MYCBP2: variants seen among roughly 807,000 people sequenced by gnomAD.
The protein encoded by MYCBP2 is E3 ubiquitin-protein ligase MYCBP2.
A neutral mutation model predicts 525.3 loss-of-function variants in MYCBP2; 120 were observed. The observed-to-expected ratio is 0.23, with a 90% CI of 0.20 to 0.27. The LOEUF is 0.27. Ranked by LOEUF, MYCBP2 falls within the 10% of genes least tolerant of loss-of-function variation. The pLI, the probability that MYCBP2 is intolerant of heterozygous loss-of-function variation, is 1.00. For missense variants in MYCBP2, 4,149 were observed against 5,657.1 expected, an observed-to-expected ratio of 0.73 and a Z score of 8.55; for synonymous variants, 1,894 against 1,955.8, an observed-to-expected ratio of 0.97 and a Z score of 0.83.
chr13:77,184,919 C>T (rs2060583917), intron 32 of MYCBP2, among the ~76,000 whole-genome samples, 184 bp downstream of exon 32: 1 of 152,158 alleles, frequency 6.6e-6, no homozygotes, highest in African/African-American at 2.4e-5. Flanking sequence ...AATTTTGTAA[C>T]TAAAAGATGA....
At chr13:77,316,683 T>C (rs2080979464) in intron 1 of MYCBP2, among the ~76,000 whole-genome samples, 1 of 152,132 alleles carries the variant, frequency 6.6e-6, no homozygotes, top group Non-Finnish European at 1.5e-5. Context: ...ACGGTAAAAT[T>C]GATATCAACA....
rs750702292 is a variant in MYCBP2 at position 77,180,262 on chromosome 13, C to A, written c.4998G>T (p.Leu1666=). 8 of 1,614,128 alleles carry A rather than the reference C, an allele frequency of 5.0e-6. No individual in the cohort carries two copies. Among genetic ancestry groups the A allele is most frequent in the Non-Finnish European group, 5.1e-6 (6 of 1,180,014 alleles). Residue 1666 remains leucine, a synonymous_variant, in exon 34 of 83, where the codon CTG becomes CTT. Coordinates refer to ENST00000544440, the MANE Select transcript of MYCBP2 (RefSeq NM_015057.5). The part of the protein sequence containing the change: ...TSFREVLEKM[L]VIVVLPVRNS... Reference sequence around the variant, plus strand: ...TCCTGACTGGTAGCACAACAATGACCAGCATTTTCTCCAGAACTTCACGGA... The same window carrying A: ...TCCTGACTGGTAGCACAACAATGACAAGCATTTTCTCCAGAACTTCACGGA...
intron 71 of MYCBP2, among the ~76,000 whole-genome samples, chr13:77,067,117 TG>T (rs1004004576): frequency 2.0e-5 from 3 of 152,186 alleles, no homozygotes; most frequent in African/African-American, 4.8e-5. Context: ...TATATGATTT[TG>T]GGTTCTGTGT....
At chr13:77,082,994 T>C (rs888095861) in intron 63 of MYCBP2, 38 bp downstream of exon 63, 1 of 1,568,376 alleles carries the variant, frequency 6.4e-7, no homozygotes, top group South Asian at 1.2e-5. Flanking sequence ...TAAACTCTCT[T>C]GTCCAATGTA....
At chr13:77,217,226 T>A (rs1044264357) in intron 21 of MYCBP2, among the ~76,000 whole-genome samples, 1 of 152,228 alleles carries the variant, frequency 6.6e-6, no homozygotes, top group African/African-American at 2.4e-5. Flanking sequence ...TTAGTAATTA[T>A]CCACATCTGA....
intron 28 of MYCBP2, among the ~76,000 whole-genome samples, chr13:77,190,980 C>CA (rs1343051979): frequency 6.6e-6 from 1 of 152,120 alleles, no homozygotes; most frequent in Non-Finnish European, 1.5e-5. Flanking sequence ...ATTTATCTTA[C>CA]AAATGATAGT....
chr13:77,092,745 C>T (rs1594457736), intron 59 of MYCBP2, among the ~76,000 whole-genome samples: 1 of 152,128 alleles, frequency 6.6e-6, no homozygotes, highest in Admixed American at 6.6e-5. Flanking sequence ...TTGTGTATTA[C>T]ATTATTGTAA....
intron 7 of MYCBP2, among the ~76,000 whole-genome samples, chr13:77,268,890 C>A (rs1318373572): frequency 6.6e-6 from 1 of 152,098 alleles, no homozygotes; most frequent in African/African-American, 2.4e-5. Context: ...TTTCAAATAT[C>A]TTTTATCATT....
intron 1 of MYCBP2, among the ~76,000 whole-genome samples, chr13:77,314,570 A>T (rs1037150266): frequency 1.3e-5 from 2 of 151,822 alleles, no homozygotes; most frequent in African/African-American, 4.8e-5. Context: ...AAAAGGCAAA[A>T]CTATGGAGAC....
chr13:77,106,056 G>C (rs1673975564), intron 55 of MYCBP2, among the ~76,000 whole-genome samples: 1 of 152,038 alleles, frequency 6.6e-6, no homozygotes, highest in South Asian at 2.1e-4. Flanking sequence ...TCTCATTTCA[G>C]TTTAACAAAG....
chr13:77,083,241 T>A (rs981298442), intron 62 of MYCBP2, 49 bp from the exon 63 acceptor site: 1 of 1,548,580 alleles, frequency 6.5e-7, no homozygotes, highest in South Asian at 1.2e-5. Context: ...CTGGAAGGAA[T>A]CCTCTTCACA....
intron 69 of MYCBP2, among the ~76,000 whole-genome samples, chr13:77,069,782 G>T (rs2040847592): frequency 6.6e-6 from 1 of 151,576 alleles, no homozygotes; most frequent in East Asian, 1.9e-4. Flanking sequence ...GCAGGAGAAT[G>T]GTGTGAACCC....
At chr13:77,071,271 G>GCGCACACACACA (rs375003621) in intron 68 of MYCBP2, among the ~76,000 whole-genome samples, 2 of 142,656 alleles carry the variant, frequency 1.4e-5, no homozygotes, top group East Asian at 2.1e-4. Flanking sequence ...GTGTGCACAC[G>GCGCACACACACA]CACACACACA....
rs1247214835 is a variant in MYCBP2 at position 77,326,736 on chromosome 13, A to C, written c.40T>G (p.Ser14Ala). The change falls in exon 1 of 83, where the codon TCC becomes GCC. Residue 14 changes from serine to alanine, a missense_variant. Transcript: ENST00000544440. The surrounding 1 kb of genome is among the most constrained non-coding windows in gnomAD (Gnocchi z 4.2). ...CAATASPAAA[S>A]SGLGGDGFYP... ...AATCCGTCCCCGCCGAGCCCCGAGGAGGCGGCGGCGGGGGAGGCAGTCGCT... is the reference window on the plus strand; with the variant it reads ...AATCCGTCCCCGCCGAGCCCCGAGGCGGCGGCGGCGGGGGAGGCAGTCGCT... 11 of 1,409,652 alleles carry C rather than the reference A, an allele frequency of 7.8e-6. No individual in the cohort carries two copies. Among genetic ancestry groups the C allele is most frequent in the African/African-American group, 1.5e-5 (1 of 65,270 alleles). The allele number at this position is 1,409,652 out of a possible 1,614,324, so 87.3% of individuals were successfully genotyped here.
At chr13:77,080,277 G>T (rs924301922) in intron 65 of MYCBP2, among the ~76,000 whole-genome samples, 1 of 152,108 alleles carries the variant, frequency 6.6e-6, no homozygotes, top group African/African-American at 2.4e-5. Flanking sequence ...CTGCATCCAG[G>T]TTATCTGAGA....
chr13:77,256,062 G>C (rs1392071893), intron 14 of MYCBP2, among the ~76,000 whole-genome samples: 1 of 151,984 alleles, frequency 6.6e-6, no homozygotes, highest in Non-Finnish European at 1.5e-5. Flanking sequence ...AATCAAAGGA[G>C]AAAGCCCTTT....
At chr13:77,056,739 G>A (rs1051380356) in intron 79 of MYCBP2, among the ~76,000 whole-genome samples, 7 of 152,054 alleles carry the variant, frequency 4.6e-5, no homozygotes, top group South Asian at 2.1e-4. Context: ...AATGCATCAC[G>A]ATGTTTAAAT....
chr13:77,188,096 C>T (rs1217769247), intron 30 of MYCBP2, among the ~76,000 whole-genome samples: 1 of 145,796 alleles, frequency 6.9e-6, no homozygotes, highest in African/African-American at 2.5e-5. Context: ...AAAAAAAGGT[C>T]TGGGAAGATA....
At chr13:77,311,629 A>T (rs2080246322) in intron 1 of MYCBP2, among the ~76,000 whole-genome samples, 1 of 150,610 alleles carries the variant, frequency 6.6e-6, no homozygotes, top group South Asian at 2.1e-4. Flanking sequence ...AATAAACAAT[A>T]CATAAAAAGT....
Sources: gnomAD v4.1 joint callset for allele counts (sites outside exome capture counted in the v4.1 genomes callset) on GRCh38, gnomAD v4.1.1 for gene constraint, Gnocchi (gnomAD v3.1) non-coding constraint, MANE v1.5 for transcripts, NCBI Gene and HGNC (gene_info 2026-07-23, HGNC 2026-07-21) for gene names.